BPIFB6: variants seen among roughly 807,000 people sequenced by gnomAD.
The protein encoded by BPIFB6 is BPI fold-containing family B member 6.
Under a neutral mutation model 54.7 loss-of-function variants are expected in BPIFB6, and 47 were observed. The observed-to-expected ratio is 0.86, with a 90% CI of 0.68 to 1.10. The LOEUF is 1.10. Among genes scored for constraint, BPIFB6 ranks in the 50% least tolerant of loss-of-function variants. BPIFB6 has a pLI of 0.00. For missense variants in BPIFB6, 603 were observed against 564.1 expected, an observed-to-expected ratio of 1.07 and a Z score of -0.70; for synonymous variants, 255 against 225.9, an observed-to-expected ratio of 1.13 and a Z score of -1.16.
chr20:33,040,780 C>T (rs898866416), intron 11 of BPIFB6, among the ~76,000 whole-genome samples: 1 of 152,220 alleles, frequency 6.6e-6, no homozygotes, highest in African/African-American at 2.4e-5. Flanking sequence ...CTATTTCATT[C>T]TTACACTTTG....
At position 33,036,495 on chromosome 20, in the gene BPIFB6, G is replaced by A. The variant is rs145056603; in HGVS notation, c.628G>A (p.Ala210Thr). The A allele has an allele frequency of 4.5e-5, 73 of 1,614,108 alleles. No individual in the cohort carries two copies. The highest frequency in any genetic ancestry group is 2.9e-4 in the African/African-American group (22 of 75,022). Residue 210 changes from alanine to threonine, a missense_variant, in exon 7 of 15, where the codon GCA (alanine) becomes ACA (threonine). Coordinates refer to ENST00000349552, the MANE Select transcript of BPIFB6 (RefSeq NM_174897.2). Reference protein sequence around the residue: ...MGTVKYVLMSAPATTASYIQL... With the variant: ...MGTVKYVLMSTPATTASYIQL... ...CACCGTCAAATATGTTCTGATGTCC[G>A]CACCAGCCACCACAGCCAGCTACAT... is the stretch of plus-strand genomic sequence containing the variant.
chr20:33,035,478 G>T, intron 5 of BPIFB6, 134 bp from the exon 6 acceptor site: 2 of 888,376 alleles, frequency 2.3e-6, no homozygotes, highest in Non-Finnish European at 1.8e-6. Context: ...ACTTTCTGTG[G>T]GACTTGGGAC....
intron 6 of BPIFB6, 81 bp downstream of exon 6, chr20:33,035,753 A>G (rs1051615131): frequency 3.5e-6 from 5 of 1,421,336 alleles, no homozygotes; most frequent in Middle Eastern, 1.8e-4. Context: ...TCCCCATCCT[A>G]GTGCCTGCTT....
At chr20:33,037,974 A>G (rs890433209) in intron 8 of BPIFB6, among the ~76,000 whole-genome samples, 1 of 151,968 alleles carries the variant, frequency 6.6e-6, no homozygotes, top group Admixed American at 6.6e-5. Context: ...CAATTTATCA[A>G]CCTACATCTC....
rs1979472042 is a variant in BPIFB6 at position 33,039,238 on chromosome 20, A to G, written c.901-109A>G. 8 of 1,169,640 alleles carry G rather than the reference A, an allele frequency of 6.8e-6. 1 individual carries two copies. The Admixed American group carries it at 1.9e-4, about 27-fold the overall frequency. 72.5% of individuals were successfully genotyped at this position (1,169,640 alleles called of 1,614,324 possible). A position where few individuals can be genotyped will look rare whatever the true frequency, so the allele number is the denominator to read the frequency against. ...ACACATCCTGGCCTTTGCATGTTGT[A>G]CTTCCTGTGTCCAACGTAGAAATCA... On this transcript the variant is annotated intron_variant, in intron 9 of 14. Transcript: ENST00000349552.
Position 33,034,790 on chromosome 20 carries a change from C to T in BPIFB6, c.330C>T (p.Ile110=), listed in dbSNP as rs752157085. ...KSFMGGNMEI[I]VALNITATNR... ...TCATGGGAGGGAACATGGAGATCAT[C>T]GTGGCCCTGAACATCACAGCCACCA... The change falls in exon 4 of 15, where the codon ATC becomes ATT. Residue 110 remains isoleucine, a synonymous_variant. Transcript: ENST00000349552. The T allele has an allele frequency of 8.7e-6, 14 of 1,612,854 alleles. No homozygotes were observed. The highest frequency in any genetic ancestry group is 6.7e-5 in the African/African-American group (5 of 74,888).
intron 5 of BPIFB6, 68 bp downstream of exon 5, chr20:33,035,212 A>C: frequency 6.7e-7 from 1 of 1,503,500 alleles, no homozygotes; most frequent in Admixed American, 1.7e-5. Context: ...TGGCAAATGC[A>C]TTTCATGTTG....
At chr20:33,042,935 G>A (rs953891151) in intron 13 of BPIFB6, 57 bp downstream of exon 13, 7 of 1,535,600 alleles carry the variant, frequency 4.6e-6, no homozygotes, top group Non-Finnish European at 6.3e-6. Flanking sequence ...AAGCAATAAG[G>A]GATGCCACCT....
chr20:33,037,450 G>C (rs1347969529), intron 7 of BPIFB6, 112 bp from the exon 8 acceptor site: 1 of 1,054,276 alleles, frequency 9.5e-7, no homozygotes, highest in Non-Finnish European at 1.4e-6. Flanking sequence ...AAGATTTAAT[G>C]ATTTGCTGAC....
rs1979398857 is a variant in BPIFB6 at position 33,037,616 on chromosome 20, G to A, written c.724G>A (p.Ala242Thr). Residue 242 changes from alanine (A) to threonine (T), a missense_variant, in exon 8 of 15, where the codon GCC (alanine) becomes ACC (threonine). Ala to Thr is a moderately conservative substitution (Grantham distance 58). Coordinates refer to ENST00000349552, the MANE Select transcript of BPIFB6 (RefSeq NM_174897.2). ...KTIKLADAGEALTFPEGYAKG... is the reference protein window; with the variant it reads ...KTIKLADAGETLTFPEGYAKG... Reference sequence around the variant, plus strand: ...CATCAAGCTTGCTGATGCCGGGGAGGCCCTCACGTTCCCTGAGGGTTATGC... The same window carrying A: ...CATCAAGCTTGCTGATGCCGGGGAGACCCTCACGTTCCCTGAGGGTTATGC... 2.5e-6 allele frequency: 4 copies of A among 1,613,918 alleles called. No homozygotes were observed. The highest frequency in any genetic ancestry group is 3.4e-6 in the Non-Finnish European group (4 of 1,179,950).
chr20:33,036,680 G>T (rs890759234), intron 7 of BPIFB6, 144 bp downstream of exon 7: 2 of 765,338 alleles, frequency 2.6e-6, no homozygotes, highest in African/African-American at 3.5e-5. Context: ...TGCCATGTGG[G>T]TGTTTGTGGA....
chr20:33,035,585 T>C (rs778712757), intron 5 of BPIFB6, 27 bp from the exon 6 acceptor site: 1 of 1,613,608 alleles, frequency 6.2e-7, no homozygotes, highest in South Asian at 1.1e-5. Flanking sequence ...AGGGACCCTC[T>C]CAGCCCAGTG....
At chr20:33,038,587 C>A (rs1005181799) in intron 8 of BPIFB6, among the ~76,000 whole-genome samples, 1 of 152,202 alleles carries the variant, frequency 6.6e-6, no homozygotes. Flanking sequence ...TCCGTTTCCC[C>A]ATCCATCTGT....
At chr20:33,038,764 G>A (rs1979450213) in intron 8 of BPIFB6, 145 bp from the exon 9 acceptor site, 1 of 791,962 alleles carries the variant, frequency 1.3e-6, no homozygotes, top group Admixed American at 1.9e-5. Context: ...CTGCCCAGAA[G>A]GCACAATATT....
In BPIFB6 at chr20:33,036,554, C is replaced by T. The variant is rs201114328; in HGVS notation, c.669+18C>T. The T allele has an allele frequency of 3.7e-6, 6 of 1,607,724 alleles. No individual in the cohort carries two copies. The highest frequency in any genetic ancestry group is 5.1e-6 in the Non-Finnish European group (6 of 1,174,112). On this transcript the variant is annotated intron_variant, in intron 7 of 14. Coordinates refer to ENST00000349552, the MANE Select transcript of BPIFB6 (RefSeq NM_174897.2). ...ACTTCAGTGTAAGCGCCTAGGGCCACCTGGGAGCTGGGGTCTCAGGCTCAC... is the reference window on the plus strand; with the variant it reads ...ACTTCAGTGTAAGCGCCTAGGGCCATCTGGGAGCTGGGGTCTCAGGCTCAC...
intron 2 of BPIFB6, 23 bp downstream of exon 2, chr20:33,033,106 A>G (rs1476732308): frequency 1.9e-6 from 3 of 1,577,342 alleles, no homozygotes; most frequent in Admixed American, 1.7e-5. Flanking sequence ...GGGGAGCTGG[A>G]GGGTGGTGGT....
At chr20:33,041,049 G>C (rs1250165996) in intron 11 of BPIFB6, among the ~76,000 whole-genome samples, 1 of 150,270 alleles carries the variant, frequency 6.7e-6, no homozygotes, top group Admixed American at 6.6e-5. Flanking sequence ...GAGTGCAGTG[G>C]CGCAATCTCG....
downstream of BPIFB6, chr20:33,044,090 C>A: frequency 6.2e-7 from 1 of 1,612,174 alleles, no homozygotes; most frequent in Non-Finnish European, 8.5e-7. Flanking sequence ...TACCACCAAC[C>A]ACCTGCACCC....
At chr20:33,035,703 T>G in intron 6 of BPIFB6, 31 bp downstream of exon 6, 1 of 1,596,478 alleles carries the variant, frequency 6.3e-7, no homozygotes. Context: ...ACCTTGCCCC[T>G]ACCTAGGGAT....
Sources: gnomAD v4.1 joint callset for allele counts (sites outside exome capture counted in the v4.1 genomes callset) on GRCh38, gnomAD v4.1.1 for gene constraint, MANE v1.5 for transcripts, NCBI Gene and HGNC (gene_info 2026-07-23, HGNC 2026-07-21) for gene names.